Variants in TRPM7 observed in about 807,000 individuals in gnomAD.
TRPM7 encodes transient receptor potential cation channel subfamily M member 7.
A neutral mutation model predicts 229.7 loss-of-function variants in TRPM7; 134 were observed. The observed-to-expected ratio is 0.58, with a 90% CI of 0.51 to 0.67. The LOEUF is 0.67. TRPM7 is among the 30% of genes least tolerant of loss of function. The pLI is 0.00. For missense variants in TRPM7, 1,901 were observed against 2,210.0 expected (o/e 0.86, Z 2.80); for synonymous variants, 699 against 715.2 (o/e 0.98, Z 0.36).
At chr15:50,680,090 T>C (rs1365641326) in intron 1 of TRPM7, among the ~76,000 whole-genome samples, 1 of 151,686 alleles carries the variant, frequency 6.6e-6, no homozygotes, top group Non-Finnish European at 1.5e-5. Context: ...AAATATTAGC[T>C]GGGCATGGTG....
Position 50,592,567 on chromosome 15 carries a change from C to A in TRPM7, c.3668G>T (p.Arg1223Ile), listed in dbSNP as rs777086024. The A allele has an allele frequency of 1.1e-5, 18 of 1,610,016 alleles. No homozygotes were observed. The highest frequency in any genetic ancestry group is 1.5e-5 in the Non-Finnish European group (18 of 1,179,828). ...EVGDRVNYIK[R>I]SLQSLDSQIG... ...TTGAGAATCTAATGATTGTAATGAT[C>A]TTTTTATGTAGTTGACACGATCTCC... Residue 1223 changes from arginine (R) to isoleucine (I), a missense_variant, in exon 26 of 39, where the codon AGA becomes ATA. Around this residue, in one of 8 missense-constraint regions of TRPM7, gnomAD observed 533 missense variants for 497.1 expected, o/e 1.07. Transcript: ENST00000646667.
chr15:50,574,655 G>A lies in TRPM7; in HGVS notation c.5084C>T (p.Ser1695Phe), dbSNP rs1198218721. The stretch of plus-strand genomic sequence containing the variant: ...GATTTACCTTGGAGAATATGGTATG[G>A]ATTTGGGTTTCATTTGATTAAAGGC... ...TFAFNQMKPK[S>F]IPYSPRFLEV... The change falls in exon 35 of 39, where the codon TCC becomes TTC. Residue 1695 changes from serine to phenylalanine, a missense_variant. Transcript: ENST00000646667. 3 of 1,613,628 alleles carry A rather than the reference G, an allele frequency of 1.9e-6. No individual in the cohort carries two copies. The East Asian group carries it at 6.7e-5, about 36-fold the overall frequency.
At chr15:50,666,522 G>A (rs766301328) in intron 1 of TRPM7, among the ~76,000 whole-genome samples, 16 of 152,048 alleles carry the variant, frequency 1.1e-4, no homozygotes, top group Non-Finnish European at 1.8e-4. Context: ...AAGAAAAAGA[G>A]GCCGGGTGCA....
intron 1 of TRPM7, among the ~76,000 whole-genome samples, chr15:50,683,355 C>G (rs777299786): frequency 1.2e-4 from 18 of 151,930 alleles, no homozygotes; most frequent in Non-Finnish European, 2.5e-4. Flanking sequence ...ACAAAAACTA[C>G]TACATGAATA....
chr15:50,576,633 C>T (rs2054149161), intron 31 of TRPM7, among the ~76,000 whole-genome samples: 1 of 152,152 alleles, frequency 6.6e-6, no homozygotes, highest in African/African-American at 2.4e-5. Context: ...ACCTATAGTG[C>T]TTTTTGGACA....
At chr15:50,680,159 G>A (rs12899580) in intron 1 of TRPM7, among the ~76,000 whole-genome samples, 12,095 of 152,088 alleles carry the variant, frequency 0.08, 569 homozygotes, top group South Asian at 0.12. Flanking sequence ...ACTTGAACCC[G>A]GGAGGCAGAG....
At chr15:50,649,495 G>C (rs933016144) in intron 3 of TRPM7, among the ~76,000 whole-genome samples, 1 of 151,384 alleles carries the variant, frequency 6.6e-6, no homozygotes, top group Non-Finnish European at 1.5e-5. Flanking sequence ...AAAGAGAAGT[G>C]AATGAACCAC....
intron 7 of TRPM7, 127 bp from the exon 8 acceptor site, chr15:50,634,683 A>G (rs917218375): frequency 7.2e-5 from 50 of 695,116 alleles, no homozygotes; most frequent in Non-Finnish European, 1.0e-4. Context: ...AAAAAGTAAA[A>G]ACATAATTTC....
intron 1 of TRPM7, among the ~76,000 whole-genome samples, chr15:50,678,750 C>A (rs897884476): frequency 2.6e-5 from 4 of 152,022 alleles, no homozygotes; most frequent in African/African-American, 7.2e-5. Context: ...AAACTTAAGG[C>A]CAGGTGCAGT....
intron 2 of TRPM7, among the ~76,000 whole-genome samples, chr15:50,660,716 C>T (rs983589541): frequency 3.3e-5 from 5 of 152,196 alleles, no homozygotes; most frequent in Non-Finnish European, 7.3e-5. Flanking sequence ...AATGTTACTC[C>T]AGTCATTACT....
At chr15:50,606,355 G>T (rs1163405184) in intron 20 of TRPM7, among the ~76,000 whole-genome samples, 1 of 151,350 alleles carries the variant, frequency 6.6e-6, no homozygotes, top group African/African-American at 2.4e-5. Flanking sequence ...CTCCAGCCTG[G>T]GTCACAGAGG....
intron 1 of TRPM7, among the ~76,000 whole-genome samples, chr15:50,672,927 C>CAAAAA (rs2062021632): frequency 9.0e-6 from 1 of 111,448 alleles, no homozygotes; most frequent in African/African-American, 3.4e-5. Flanking sequence ...AAAAAAAAAG[C>CAAAAA]TTATAGAATA....
rs950988491 is a variant in TRPM7 at position 50,589,506 on chromosome 15, GA to G, written c.4389+85del. The G allele has an allele frequency of 1.1e-4, 103 of 965,756 alleles. 1 individual carries two copies. The South Asian group carries it at 1.4e-3, about 13-fold the overall frequency. The allele number at this position is 965,756 out of a possible 1,614,324, so 59.8% of individuals were successfully genotyped here. A position where few individuals can be genotyped will look rare whatever the true frequency, so the allele number is the denominator to read the frequency against. On this transcript the variant is annotated intron_variant, in intron 27 of 38. Transcript: ENST00000646667. ...TATCTGCTAAAACTGTATTTTTGCTGAAAAAATGTTTAATTAAATTTTGAAC... is the reference window on the plus strand; with the variant it reads ...TATCTGCTAAAACTGTATTTTTGCTGAAAAATGTTTAATTAAATTTTGAAC...
intron 1 of TRPM7, among the ~76,000 whole-genome samples, chr15:50,679,419 G>A (rs1351147132): frequency 6.9e-6 from 1 of 144,690 alleles, no homozygotes; most frequent in East Asian, 2.0e-4. Flanking sequence ...AGTGAGCAGG[G>A]TGTTGATACT....
intron 1 of TRPM7, among the ~76,000 whole-genome samples, chr15:50,669,188 T>C (rs1394482443): frequency 1.3e-5 from 2 of 152,142 alleles, no homozygotes; most frequent in East Asian, 1.9e-4. Flanking sequence ...ACGCCTGTAA[T>C]CACAGCACAT....
In TRPM7 at chr15:50,583,197, C is replaced by T. The variant is rs368490998; in HGVS notation, c.4487-38G>A. On this transcript the variant is annotated intron_variant, in intron 28 of 38. Coordinates refer to ENST00000646667, the MANE Select transcript of TRPM7 (RefSeq NM_017672.6). ...TAAAAAATATAAAAAAGCTACACAA[C>T]TGAAGTTTTATGAATACCAACTAAC... 1.1e-5 allele frequency: 16 copies of T among 1,503,280 alleles called. No homozygotes were observed. In the African/African-American group the frequency reaches 2.3e-4, roughly 21 times the overall value. 93.1% of individuals were successfully genotyped at this position (1,503,280 alleles called of 1,614,324 possible). A position where few individuals can be genotyped will look rare whatever the true frequency, so the allele number is the denominator to read the frequency against.
intron 28 of TRPM7, 122 bp downstream of exon 28, chr15:50,586,270 T>G: frequency 1.7e-6 from 1 of 582,572 alleles, no homozygotes; most frequent in Non-Finnish European, 3.0e-6. Flanking sequence ...CTATGGCAGA[T>G]CAGAATTTTC....
chr15:50,565,770 C>G (rs1263026769), intron 38 of TRPM7, among the ~76,000 whole-genome samples: 1 of 152,004 alleles, frequency 6.6e-6, no homozygotes, highest in African/African-American at 2.4e-5. Context: ...CCAACAATAG[C>G]AGAATATACA....
intron 1 of TRPM7, among the ~76,000 whole-genome samples, chr15:50,671,254 T>G (rs1252189758): frequency 6.6e-6 from 1 of 152,138 alleles, no homozygotes; most frequent in Non-Finnish European, 1.5e-5. Context: ...ATCCAGAAAT[T>G]GAACTTTTAT....
Sources: gnomAD v4.1 joint callset for allele counts (sites outside exome capture counted in the v4.1 genomes callset) on GRCh38, gnomAD v4.1.1 for gene constraint, gnomAD v4.1.1 regional missense constraint, MANE v1.5 for transcripts, NCBI Gene and HGNC (gene_info 2026-07-23, HGNC 2026-07-21) for gene names.